COBL: variants seen among roughly 807,000 people sequenced by gnomAD.
COBL encodes cordon-bleu WH2 repeat protein.
A neutral mutation model predicts 98.8 loss-of-function variants in COBL; 51 were observed. The observed-to-expected ratio is 0.52, with a 90% CI of 0.41 to 0.65. The LOEUF is 0.65. Among genes scored for constraint, COBL ranks in the 30% least tolerant of loss-of-function variants. The pLI, the probability that COBL is intolerant of heterozygous loss-of-function variation, is 0.00. For missense variants in COBL, 1,617 were observed against 1,617.5 expected, an observed-to-expected ratio of 1.00 and a Z score of 0.01; for synonymous variants, 634 against 651.7, an observed-to-expected ratio of 0.97 and a Z score of 0.41.
intron 1 of COBL, among the ~76,000 whole-genome samples, chr7:51,288,049 T>C (rs1240896816): frequency 6.6e-6 from 1 of 152,232 alleles, no homozygotes; most frequent in Non-Finnish European, 1.5e-5. Flanking sequence ...TTCTGTGTGC[T>C]AATTGTGGTA....
At chr7:51,046,117 C>T (rs768820765) in intron 7 of COBL, among the ~76,000 whole-genome samples, 1 of 152,082 alleles carries the variant, frequency 6.6e-6, no homozygotes, top group Non-Finnish European at 1.5e-5. Context: ...AAGAGTGGCA[C>T]AGGAATTGAA....
chr7:51,036,865 T>C (rs554571300), intron 8 of COBL, among the ~76,000 whole-genome samples: 1 of 152,354 alleles, frequency 6.6e-6, no homozygotes, highest in East Asian at 1.9e-4. Flanking sequence ...TCTCACAGCA[T>C]TCCTGTGGAA....
At chr7:51,217,829 G>A (rs1399661896) in intron 2 of COBL, among the ~76,000 whole-genome samples, 1 of 152,166 alleles carries the variant, frequency 6.6e-6, no homozygotes, top group Non-Finnish European at 1.5e-5. Context: ...TTTGGCCTAT[G>A]ACTACTTTAT....
chr7:51,125,434 C>T (rs1359906068), intron 6 of COBL, among the ~76,000 whole-genome samples: 3 of 152,158 alleles, frequency 2.0e-5, no homozygotes, highest in African/African-American at 7.2e-5. Context: ...ACCCAGTCGG[C>T]GGTATTTAGG....
At position 51,118,612 on chromosome 7, in the gene COBL, T is replaced by C. The variant is rs370726993; in HGVS notation, c.957+17546A>G. Among the ~76,000 whole-genome samples, 4 of 149,824 alleles carry C rather than the reference T, an allele frequency of 2.7e-5. No homozygotes were observed. The East Asian group carries it at 6.0e-4, about 22-fold the overall frequency. ...AAGGAGAAGGGCTCATACAAGGATG[T>C]GAATCACTGGGGGGGAGAGGGGGAG... On this transcript the variant is annotated intron_variant, in intron 6 of 12. Coordinates refer to ENST00000265136, the MANE Select transcript of COBL (RefSeq NM_015198.5).
rs200261478 is a variant in COBL at position 51,029,158 on chromosome 7, T to G, written c.1938A>C (p.Lys646Asn). 9.7e-5 allele frequency: 156 copies of G among 1,614,162 alleles called. No homozygotes were observed. The highest frequency in any genetic ancestry group is 1.3e-4 in the Non-Finnish European group (152 of 1,180,024). The stretch of plus-strand genomic sequence containing the variant: ...CACAGCCATACACTTTGTCTTTCAC[T>G]TTTGCATTTAGGTTGTCTGTGTGAA... ...SNLHTDNLNAKVKDKVYGCAD... is the reference protein window; with the variant it reads ...SNLHTDNLNANVKDKVYGCAD... Residue 646 changes from lysine (K) to asparagine (N), a missense_variant, in exon 10 of 13, where the codon AAA (lysine) becomes AAC (asparagine). Coordinates refer to ENST00000265136, the MANE Select transcript of COBL (RefSeq NM_015198.5).
intron 8 of COBL, among the ~76,000 whole-genome samples, chr7:51,039,429 G>A (rs1209485620): frequency 6.6e-6 from 1 of 152,158 alleles, no homozygotes; most frequent in African/African-American, 2.4e-5. Context: ...CTGCTCCATC[G>A]GGCCACACCT....
At chr7:51,294,643 C>CAA (rs3047621) in intron 1 of COBL, among the ~76,000 whole-genome samples, 31,327 of 80,150 alleles carry the variant, frequency 0.39, 5,892 homozygotes, top group Non-Finnish European at 0.52. Flanking sequence ...AACTCCATCT[C>CAA]AAAAAAAAAA....
intron 5 of COBL, chr7:51,172,442 G>A (rs556604297): frequency 7.8e-7 from 1 of 1,283,376 alleles, no homozygotes; most frequent in East Asian, 5.6e-5. Context: ...ACCTGCTGGG[G>A]CATTAGTACT....
Position 51,017,143 on chromosome 7 carries a change from A to C in COBL, c.*408T>G. 1 of 433,868 alleles carries C rather than the reference A, an allele frequency of 2.3e-6. No individual in the cohort carries two copies. Among genetic ancestry groups the C allele is most frequent in the South Asian group, 8.1e-5 (1 of 12,356 alleles). 26.9% of individuals were successfully genotyped at this position (433,868 alleles called of 1,614,324 possible). Reference sequence around the variant, plus strand: ...TTTTTTCTAAAATTCAAAAGATCTTAAATCAGTAAGTAGTTTCATCCATCT... The same window carrying C: ...TTTTTTCTAAAATTCAAAAGATCTTCAATCAGTAAGTAGTTTCATCCATCT... On this transcript the variant is annotated 3_prime_UTR_variant, in exon 13 of 13. Transcript: ENST00000265136.
chr7:51,019,949 G>T (rs1182265089), intron 12 of COBL, among the ~76,000 whole-genome samples: 1 of 152,136 alleles, frequency 6.6e-6, no homozygotes, highest in East Asian at 1.9e-4. Flanking sequence ...TCCTGGTTTG[G>T]GGCCTCCTGT....
chr7:51,138,910 C>T (rs556843231), intron 5 of COBL, among the ~76,000 whole-genome samples: 1 of 152,314 alleles, frequency 6.6e-6, no homozygotes. Flanking sequence ...TTCCTCTTGT[C>T]CTCGGTCCTC....
intron 7 of COBL, among the ~76,000 whole-genome samples, chr7:51,082,367 G>A (rs1793744606): frequency 6.6e-6 from 1 of 152,284 alleles, no homozygotes; most frequent in South Asian, 2.1e-4. Context: ...ATAATGCCAT[G>A]GAGTGTAGAG....
chr7:51,037,779 T>C (rs1378017723), intron 8 of COBL, among the ~76,000 whole-genome samples: 7 of 152,258 alleles, frequency 4.6e-5, no homozygotes, highest in African/African-American at 1.7e-4. Flanking sequence ...TGAAAAATTA[T>C]AATCGGATAC....
At chr7:51,158,649 G>T (rs566268372) in intron 5 of COBL, among the ~76,000 whole-genome samples, 39 of 152,236 alleles carry the variant, frequency 2.6e-4, no homozygotes, top group African/African-American at 8.4e-4. Context: ...AACAGAGCAC[G>T]GTGGGAGGCT....
At position 51,055,841 on chromosome 7, in the gene COBL, C is replaced by CA. The variant is rs375152743; in HGVS notation, c.1097-12150dup. On this transcript the variant is annotated intron_variant, in intron 7 of 12. Coordinates refer to ENST00000265136, the MANE Select transcript of COBL (RefSeq NM_015198.5). ...TCATCTTACTGAAACCTATTCCCTG[C>CA]AATAGTTCAAAGACAGCTGTCTCCA... Among the ~76,000 whole-genome samples, 409 of 152,238 alleles carry CA rather than the reference C, an allele frequency of 2.7e-3. 2 individuals carry two copies. Among genetic ancestry groups the CA allele is most frequent in the African/African-American group, 9.3e-3 (387 of 41,546 alleles).
At chr7:51,156,965 C>T (rs978152649) in intron 5 of COBL, among the ~76,000 whole-genome samples, 6 of 152,188 alleles carry the variant, frequency 3.9e-5, no homozygotes, top group African/African-American at 1.2e-4. Flanking sequence ...GACCTTCCTT[C>T]GCCCTTCTCA....
chr7:51,258,762 G>T (rs1026461861), intron 1 of COBL, among the ~76,000 whole-genome samples: 2 of 152,126 alleles, frequency 1.3e-5, no homozygotes, highest in Admixed American at 1.3e-4. Flanking sequence ...CAAAATAAAT[G>T]ATTCATATCT....
intron 1 of COBL, among the ~76,000 whole-genome samples, chr7:51,299,085 C>G (rs555321640): frequency 6.6e-6 from 1 of 152,322 alleles, no homozygotes; most frequent in South Asian, 2.1e-4. Context: ...CACCTCATAT[C>G]TTTCTGCCCT....
Sources: gnomAD v4.1 joint callset for allele counts (sites outside exome capture counted in the v4.1 genomes callset) on GRCh38, gnomAD v4.1.1 for gene constraint, MANE v1.5 for transcripts, NCBI Gene and HGNC (gene_info 2026-07-23, HGNC 2026-07-21) for gene names.